Variants in DNAJC13 observed in about 807,000 individuals in gnomAD.
DNAJC13 encodes dnaJ homolog subfamily C member 13.
In DNAJC13, 75 loss-of-function variants were observed where a neutral mutation model predicts 290.5. The ratio of observed to expected loss-of-function variants is 0.26; its 90% CI spans 0.21 to 0.31. The LOEUF is 0.31. Among genes scored for constraint, DNAJC13 ranks in the 10% least tolerant of loss-of-function variants. DNAJC13 has a pLI of 1.00. For synonymous variants in DNAJC13, 862 were observed against 892.0 expected (o/e 0.97, Z 0.60); for missense variants, 2,260 against 2,674.5 (o/e 0.85, Z 3.42).
chr3:132,430,360 T>A (rs1414210177), intron 1 of DNAJC13, among the ~76,000 whole-genome samples: 1 of 152,052 alleles, frequency 6.6e-6, no homozygotes, highest in East Asian at 1.9e-4. Context: ...TCTTTTGTTA[T>A]TATGAGATTA....
chr3:132,447,510 C>A, intron 4 of DNAJC13, 40 bp downstream of exon 4: 2 of 1,495,718 alleles, frequency 1.3e-6, no homozygotes, highest in African/African-American at 1.4e-5. Context: ...TTTCTTTCTT[C>A]TCTTTTTAAA....
chr3:132,481,438 A>G (rs1356291762), intron 26 of DNAJC13, among the ~76,000 whole-genome samples: 4 of 152,152 alleles, frequency 2.6e-5, no homozygotes, highest in Non-Finnish European at 5.9e-5. Context: ...ACAAAAAGCC[A>G]GATGTGGTGG....
chr3:132,481,782 T>C (rs1934683067), intron 26 of DNAJC13, among the ~76,000 whole-genome samples: 2 of 152,256 alleles, frequency 1.3e-5, no homozygotes, highest in African/African-American at 4.8e-5. Flanking sequence ...TGATCTCAGA[T>C]ACTTATTGGA....
At chr3:132,509,796 A>G (rs1678861391) in intron 43 of DNAJC13, among the ~76,000 whole-genome samples, 1 of 152,216 alleles carries the variant, frequency 6.6e-6, no homozygotes, top group South Asian at 2.1e-4. Flanking sequence ...TTTTTCAGTT[A>G]AGGTATGCAC....
At chr3:132,518,639 A>C (rs1935994762) in intron 48 of DNAJC13, among the ~76,000 whole-genome samples, 1 of 152,182 alleles carries the variant, frequency 6.6e-6, no homozygotes, top group Admixed American at 6.6e-5. Flanking sequence ...TTGCAGGGTG[A>C]GCCAGTGTGT....
chr3:132,534,391 C>T (rs1053898251), intron 55 of DNAJC13, among the ~76,000 whole-genome samples: 11 of 152,158 alleles, frequency 7.2e-5, no homozygotes, highest in African/African-American at 2.7e-4. Context: ...TGCAATGGCT[C>T]ATGTCTGTAA....
At chr3:132,497,267 A>G (rs890709637) in intron 36 of DNAJC13, among the ~76,000 whole-genome samples, 1 of 152,214 alleles carries the variant, frequency 6.6e-6, no homozygotes, top group Non-Finnish European at 1.5e-5. Flanking sequence ...TAGCCCTAAC[A>G]GTAGCAGTCA....
chr3:132,525,883 T>C lies in DNAJC13; in HGVS notation c.6240+94T>C. 2.1e-6 allele frequency: 3 copies of C among 1,396,810 alleles called. No homozygotes were observed. In the South Asian group the frequency reaches 4.3e-5, roughly 20 times the overall value. 86.5% of individuals were successfully genotyped at this position (1,396,810 alleles called of 1,614,324 possible). A position where few individuals can be genotyped will look rare whatever the true frequency, so the allele number is the denominator to read the frequency against. ...AAGTTGTAGTATTATATAAATCCCC[T>C]TTCTGCCATGTGTCTTTTTGCATAC... On this transcript the variant is annotated intron_variant, in intron 52 of 55. Transcript: ENST00000260818.
Position 132,525,641 on chromosome 3 carries a change from C to T in DNAJC13, c.6092C>T (p.Thr2031Ile). Residue 2031 changes from threonine (T) to isoleucine (I), a missense_variant, in exon 52 of 56, where the codon ACA (threonine) becomes ATA (isoleucine). Thr to Ile is a moderately conservative substitution (Grantham distance 89, BLOSUM62 -1). Transcript: ENST00000260818. ...GETLETLTMATVCLFSAQPQL... is the reference protein window; with the variant it reads ...GETLETLTMAIVCLFSAQPQL... ...ACTCTGGAAACCTTGACAATGGCAACAGTGTGTCTCTTCAGCGCACAACCT... is the reference window on the plus strand; with the variant it reads ...ACTCTGGAAACCTTGACAATGGCAATAGTGTGTCTCTTCAGCGCACAACCT... 3 of 1,614,030 alleles carry T rather than the reference C, an allele frequency of 1.9e-6. No homozygotes were observed. Among genetic ancestry groups the T allele is most frequent in the Non-Finnish European group, 2.5e-6 (3 of 1,179,982 alleles).
intron 48 of DNAJC13, among the ~76,000 whole-genome samples, chr3:132,520,757 C>T (rs1473936397): frequency 6.6e-6 from 1 of 152,150 alleles, no homozygotes; most frequent in African/African-American, 2.4e-5. Context: ...TTTGATAAGA[C>T]TCATAAATAT....
intron 1 of DNAJC13, among the ~76,000 whole-genome samples, chr3:132,428,833 C>G (rs1392803818): frequency 6.6e-6 from 1 of 152,164 alleles, no homozygotes; most frequent in Non-Finnish European, 1.5e-5. Context: ...CTCCTGGATT[C>G]AAACAATTCT....
chr3:132,481,441 TGTG>T (rs1934669636), intron 26 of DNAJC13, among the ~76,000 whole-genome samples: 1 of 152,002 alleles, frequency 6.6e-6, no homozygotes, highest in Non-Finnish European at 1.5e-5. Flanking sequence ...AAAAGCCAGA[TGTG>T]GTGGCACACA....
chr3:132,443,722 TAAGG>T (rs978682121), intron 2 of DNAJC13, among the ~76,000 whole-genome samples: 10 of 152,150 alleles, frequency 6.6e-5, no homozygotes, highest in African/African-American at 2.4e-4. Context: ...GGGGAGTACT[TAAGG>T]AAGGGAGTGC....
chr3:132,455,544 A>G (rs565941945), intron 9 of DNAJC13, among the ~76,000 whole-genome samples: 1 of 152,212 alleles, frequency 6.6e-6, no homozygotes, highest in South Asian at 2.1e-4. Context: ...GAATGTTCGT[A>G]ATATCATTAC....
At chr3:132,485,734 T>A (rs1934849199) in intron 29 of DNAJC13, among the ~76,000 whole-genome samples, 1 of 152,232 alleles carries the variant, frequency 6.6e-6, no homozygotes, top group African/African-American at 2.4e-5. Context: ...TTCTTAGTTA[T>A]GTTTTCATTG....
intron 2 of DNAJC13, among the ~76,000 whole-genome samples, chr3:132,439,161 A>G (rs1932963242): frequency 6.6e-6 from 1 of 152,154 alleles, no homozygotes; most frequent in South Asian, 2.1e-4. Flanking sequence ...TCATTTTGGT[A>G]TCTAAACAGG....
At chr3:132,440,816 T>G (rs1054456353) in intron 2 of DNAJC13, among the ~76,000 whole-genome samples, 2 of 152,216 alleles carry the variant, frequency 1.3e-5, no homozygotes, top group Admixed American at 1.3e-4. Flanking sequence ...TATCCATATC[T>G]TTCAGTCGAG....
chr3:132,424,009 T>C (rs1939028787), intron 1 of DNAJC13, among the ~76,000 whole-genome samples: 1 of 152,168 alleles, frequency 6.6e-6, no homozygotes, highest in Non-Finnish European at 1.5e-5. Flanking sequence ...CTGAAGACCT[T>C]ACAGAAATAG....
At chr3:132,463,544 A>T (rs556069872) in intron 16 of DNAJC13, 152 bp from the exon 17 acceptor site, 1 of 771,632 alleles carries the variant, frequency 1.3e-6, no homozygotes, top group African/African-American at 1.8e-5. Context: ...CTACTCACCT[A>T]TTTTTTTTTG....
Sources: allele counts gnomAD v4.1 joint callset (sites outside exome capture counted in the v4.1 genomes callset), GRCh38; gene constraint gnomAD v4.1.1; transcripts MANE v1.5; gene names NCBI Gene and HGNC (gene_info 2026-07-23, HGNC 2026-07-21).